Variants in OSBPL9 observed in about 807,000 individuals in gnomAD.
The protein encoded by OSBPL9 is oxysterol-binding protein-related protein 9.
OSBPL9 carries 40 observed loss-of-function variants against 106.6 expected under a neutral mutation model. The ratio of observed to expected loss-of-function variants is 0.38; its 90% confidence interval spans 0.29 to 0.49. The LOEUF (loss-of-function observed/expected upper bound fraction) is 0.49, where lower values mean the gene tolerates loss of function less well. Ranked by LOEUF, OSBPL9 falls within the 20% of genes least tolerant of loss-of-function variation. The pLI is 0.97. For synonymous variants in OSBPL9, 269 were observed against 295.4 expected, an observed-to-expected ratio of 0.91 and a Z score of 0.92; for missense variants, 609 against 887.2, an observed-to-expected ratio of 0.69 and a Z score of 3.98.
At chr1:51,782,256 C>T (rs1169437474) in intron 16 of OSBPL9, among the ~76,000 whole-genome samples, 3 of 152,164 alleles carry the variant, frequency 2.0e-5, no homozygotes, top group Non-Finnish European at 2.9e-5. Context: ...TGATGCACTA[C>T]GTATAGTCCA....
chr1:51,786,878 C>T (rs1677770583), intron 22 of OSBPL9, among the ~76,000 whole-genome samples: 1 of 152,136 alleles, frequency 6.6e-6, no homozygotes, highest in African/African-American at 2.4e-5. Context: ...AACTTTAAAG[C>T]CTCTGTAATT....
rs1674058424 is a variant in OSBPL9 at position 51,772,186 on chromosome 1, A to AGTC, written c.1051+6_1051+7insCGT. On this transcript the variant is annotated splice_donor_region_variant and intron_variant, in intron 13 of 23. Coordinates refer to ENST00000428468, the MANE Select transcript of OSBPL9 (RefSeq NM_024586.6). ...TCCAATGGAACAAGTGATGCTGGTA[A>AGTC]GTGACCTTTGATAATTTAACTTTTT... 1 of 1,601,908 alleles carries AGTC rather than the reference A, an allele frequency of 6.2e-7. No homozygotes were observed. Among genetic ancestry groups the AGTC allele is most frequent in the South Asian group, 1.1e-5 (1 of 89,962 alleles).
intron 2 of OSBPL9, among the ~76,000 whole-genome samples, chr1:51,658,651 A>G (rs945736348): frequency 6.6e-6 from 1 of 152,196 alleles, no homozygotes; most frequent in East Asian, 1.9e-4. Flanking sequence ...CTTTTCTTTT[A>G]GTCTACCACA....
chr1:51,722,716 C>G (rs1662376906), intron 4 of OSBPL9, among the ~76,000 whole-genome samples: 2 of 152,162 alleles, frequency 1.3e-5, no homozygotes, highest in Admixed American at 1.3e-4. Flanking sequence ...ACTTTTGGAG[C>G]AATGGTGGCC....
intron 4 of OSBPL9, among the ~76,000 whole-genome samples, chr1:51,737,544 G>GC (rs1571428526): frequency 1.1e-5 from 1 of 89,598 alleles, no homozygotes. Context: ...TATATTTCAG[G>GC]GGTGTGTGTG....
intron 2 of OSBPL9, among the ~76,000 whole-genome samples, chr1:51,666,093 C>T (rs1648432800): frequency 6.6e-6 from 1 of 152,140 alleles, no homozygotes. Flanking sequence ...GGTGATCCGC[C>T]CGCCTCGGCC....
chr1:51,590,681 G>A (rs1049860034), intron 1 of OSBPL9, among the ~76,000 whole-genome samples: 1 of 151,484 alleles, frequency 6.6e-6, no homozygotes, highest in African/African-American at 2.4e-5. Flanking sequence ...TGTTTTGAAG[G>A]TACACTCAAT....
chr1:51,617,861 ACT>A (rs1428236947), intron 1 of OSBPL9, among the ~76,000 whole-genome samples: 3 of 152,046 alleles, frequency 2.0e-5, no homozygotes, highest in Non-Finnish European at 2.9e-5. Flanking sequence ...TACACGCGAG[ACT>A]CTTGTCAGCG....
At chr1:51,720,716 G>A (rs963106758) in intron 4 of OSBPL9, among the ~76,000 whole-genome samples, 1 of 151,920 alleles carries the variant, frequency 6.6e-6, no homozygotes, top group East Asian at 1.9e-4. Flanking sequence ...AAGAAATTGG[G>A]CATTAATTGT....
upstream of OSBPL9, among the ~76,000 whole-genome samples, chr1:51,573,586 CG>C (rs1188088000): frequency 6.9e-6 from 1 of 145,768 alleles, no homozygotes; most frequent in Non-Finnish European, 1.5e-5. Flanking sequence ...GAGGCTAAGG[CG>C]GGCAGATCAC....
At chr1:51,613,127 T>C (rs1644000875), upstream of OSBPL9, among the ~76,000 whole-genome samples, 1 of 152,236 alleles carries the variant, frequency 6.6e-6, no homozygotes, top group African/African-American at 2.4e-5. Flanking sequence ...ACCTTCTGTG[T>C]GCCAAGAACT....
the OSBPL9 span, among the ~76,000 whole-genome samples, chr1:51,521,348 T>C: frequency 6.6e-6 from 1 of 152,182 alleles, no homozygotes; most frequent in African/African-American, 2.4e-5. Flanking sequence ...CACTTGCTAT[T>C]CAAGGGGACT....
chr1:51,785,566 C>T (rs1341704775), intron 20 of OSBPL9: 11 of 503,894 alleles, frequency 2.2e-5, no homozygotes, highest in Non-Finnish European at 3.5e-5. Flanking sequence ...ATGGTCCTTG[C>T]ACCCAGAATA....
the OSBPL9 span, among the ~76,000 whole-genome samples, chr1:51,555,563 T>A: frequency 3.3e-5 from 5 of 152,082 alleles, no homozygotes; most frequent in South Asian, 4.1e-4. Flanking sequence ...TAAGATTCTT[T>A]TTTTATTTTA....
chr1:51,595,320 G>A (rs539397525), intron 1 of OSBPL9, among the ~76,000 whole-genome samples: 10 of 152,172 alleles, frequency 6.6e-5, no homozygotes, highest in East Asian at 3.9e-4. Flanking sequence ...GATTCCGTTC[G>A]TCATCTCTCT....
At chr1:51,734,988 C>T (rs1401937973) in intron 4 of OSBPL9, among the ~76,000 whole-genome samples, 1 of 152,188 alleles carries the variant, frequency 6.6e-6, no homozygotes, top group African/African-American at 2.4e-5. Flanking sequence ...TGGGAATATG[C>T]CTTTTCTGGT....
At chr1:51,745,946 T>C (rs1397921616) in intron 5 of OSBPL9, among the ~76,000 whole-genome samples, 1 of 152,196 alleles carries the variant, frequency 6.6e-6, no homozygotes, top group East Asian at 1.9e-4. Flanking sequence ...TGTGTTTTAG[T>C]GGCTCAATTT....
At chr1:51,552,884 A>T in the OSBPL9 span, among the ~76,000 whole-genome samples, 44 of 151,884 alleles carry the variant, frequency 2.9e-4, no homozygotes, top group African/African-American at 1.1e-3. Flanking sequence ...CAGCCTCCCA[A>T]AGTGCTGGGA....
chr1:51,714,976 C>T (rs776934285), intron 4 of OSBPL9, among the ~76,000 whole-genome samples: 10 of 152,138 alleles, frequency 6.6e-5, no homozygotes, highest in Non-Finnish European at 1.0e-4. Context: ...TAACGTCTGC[C>T]GTACTACACT....
Sources: gnomAD v4.1 joint callset for allele counts (sites outside exome capture counted in the v4.1 genomes callset) on GRCh38, gnomAD v4.1.1 for gene constraint, MANE v1.5 for transcripts, NCBI Gene and HGNC (gene_info 2026-07-23, HGNC 2026-07-21) for gene names.